MGAT5: variants seen among roughly 807,000 people sequenced by gnomAD.
MGAT5 encodes alpha-1,6-mannosylglycoprotein 6-beta-N-acetylglucosaminyltransferase A.
MGAT5 carries 30 observed loss-of-function variants against 94.3 expected under a neutral mutation model. The observed-to-expected ratio is 0.32, with a 90% CI of 0.24 to 0.43. The LOEUF is 0.43. Among genes scored for constraint, MGAT5 ranks in the 20% least tolerant of loss-of-function variants. The pLI is 1.00. For missense variants in MGAT5, 691 were observed against 905.5 expected (o/e 0.76, Z 3.04); for synonymous variants, 310 against 322.9 (o/e 0.96, Z 0.43).
At chr2:134,269,859 C>T (rs1683921003) in intron 1 of MGAT5, among the ~76,000 whole-genome samples, 3 of 152,180 alleles carry the variant, frequency 2.0e-5, no homozygotes, top group Admixed American at 6.5e-5. Context: ...TGATTATAGT[C>T]AACTCTGGGT....
chr2:134,269,900 A>G, intron 1 of MGAT5, among the ~76,000 whole-genome samples: 1 of 152,240 alleles, frequency 6.6e-6, no homozygotes, highest in East Asian at 1.9e-4. Flanking sequence ...CTGGAGCTGT[A>G]GCTTTTATGA....
intron 5 of MGAT5, 150 bp downstream of exon 5, chr2:134,336,438 A>T (rs1021281385): frequency 3.1e-6 from 2 of 649,060 alleles, no homozygotes; most frequent in Non-Finnish European, 2.6e-6. Flanking sequence ...AGTCTAAGTG[A>T]CTAAATCAGT....
At position 134,286,594 on chromosome 2, in the gene MGAT5, A is replaced by G. The variant is rs369082149; in HGVS notation, c.406+16044A>G. The stretch of plus-strand genomic sequence containing the variant: ...TTACAGGCACCCAGCTAATTTTTGT[A>G]TTTTTAGTAGAGACGGGGTTTTACC... On this transcript the variant is annotated intron_variant, in intron 2 of 15. Coordinates refer to ENST00000281923, the MANE Select transcript of MGAT5 (RefSeq NM_002410.5). Among the ~76,000 whole-genome samples, 22 of 151,880 alleles carry G rather than the reference A, an allele frequency of 1.4e-4. 2 individuals carry two copies. The South Asian group carries it at 4.6e-3, about 32-fold the overall frequency.
intron 10 of MGAT5, among the ~76,000 whole-genome samples, chr2:134,387,573 G>C (rs1682110750): frequency 6.6e-6 from 1 of 151,712 alleles, no homozygotes; most frequent in African/African-American, 2.4e-5. Context: ...ACAGAGCTGA[G>C]CACACAGGAG....
upstream of MGAT5, among the ~76,000 whole-genome samples, chr2:134,249,163 C>T (rs1682446667): frequency 1.3e-5 from 2 of 152,038 alleles, no homozygotes; most frequent in African/African-American, 4.8e-5. Flanking sequence ...TCTGCCTGCT[C>T]TAAGCCAAAC....
At chr2:134,180,530 CTG>C (rs1362060834) in intron 1 of MGAT5, among the ~76,000 whole-genome samples, 1 of 152,128 alleles carries the variant, frequency 6.6e-6, no homozygotes, top group Non-Finnish European at 1.5e-5. Context: ...GAAATAAAAA[CTG>C]AGGTCTTGGA....
At chr2:134,388,986 C>G (rs1682224404) in intron 10 of MGAT5, among the ~76,000 whole-genome samples, 1 of 152,134 alleles carries the variant, frequency 6.6e-6, no homozygotes, top group Admixed American at 6.5e-5. Context: ...GTCTCAAACT[C>G]TTGATCTCCA....
At chr2:134,399,823 C>T (rs1682933995) in intron 10 of MGAT5, among the ~76,000 whole-genome samples, 1 of 150,364 alleles carries the variant, frequency 6.7e-6, no homozygotes, top group Non-Finnish European at 1.5e-5. Flanking sequence ...GCCTGGATGA[C>T]CAAAGTAAGG....
At chr2:134,334,181 T>C (rs1199010691) in intron 4 of MGAT5, among the ~76,000 whole-genome samples, 2 of 152,142 alleles carry the variant, frequency 1.3e-5, no homozygotes, top group African/African-American at 4.8e-5. Flanking sequence ...AGAACTAAGA[T>C]AAATGATCAG....
intron 1 of MGAT5, among the ~76,000 whole-genome samples, chr2:134,200,966 G>A (rs1679758269): frequency 6.6e-6 from 1 of 151,392 alleles, no homozygotes; most frequent in African/African-American, 2.4e-5. Context: ...TCTCCTGATT[G>A]CTATGTGACA....
In MGAT5 at chr2:134,179,180, T is replaced by C. The variant is rs575359977; in HGVS notation, c.-143+58889T>C. On this transcript the variant is annotated intron_variant, in intron 1 of 16. Transcript: ENST00000409645. ...ACCGTGTTTATCCTTTTTTTGTGCC[T>C]TTTTTTAAAAAAGTGATTTTACTGC... Among the ~76,000 whole-genome samples the C allele has an allele frequency of 6.6e-5, 10 of 152,254 alleles. No homozygotes were observed. In the East Asian group the frequency reaches 1.9e-3, roughly 29 times the overall value.
chr2:134,172,378 CT>C (rs1553487709), intron 1 of MGAT5, among the ~76,000 whole-genome samples: 2,945 of 141,424 alleles, frequency 0.021, 108 homozygotes, highest in African/African-American at 0.068. Context: ...TAAGTACTCC[CT>C]TTTTTTTTTT....
intron 4 of MGAT5, among the ~76,000 whole-genome samples, chr2:134,330,084 G>A (rs930420094): frequency 3.3e-5 from 5 of 152,062 alleles, no homozygotes; most frequent in East Asian, 1.9e-4. Flanking sequence ...ATATATAAGC[G>A]TAATCAGTGT....
At chr2:134,119,950 G>A (rs1468992719), upstream of MGAT5, 5 of 152,084 alleles carry the variant, frequency 3.3e-5, no homozygotes, top group Non-Finnish European at 7.3e-5. Context: ...CGCGAGCCCA[G>A]AAGCGGGGAG....
intron 1 of MGAT5, among the ~76,000 whole-genome samples, chr2:134,158,342 C>T (rs1687576062): frequency 6.6e-6 from 1 of 152,228 alleles, no homozygotes; most frequent in African/African-American, 2.4e-5. Flanking sequence ...TAAGCGCCCC[C>T]TTGGCTTCCC....
rs891993277 is a variant in MGAT5 at position 134,232,068 on chromosome 2, A to G, written c.-142-22194A>G. Among the ~76,000 whole-genome samples, 6 of 138,800 alleles carry G rather than the reference A, an allele frequency of 4.3e-5. No homozygotes were observed. The East Asian group carries it at 1.3e-3, about 30-fold the overall frequency. 91.1% of individuals were successfully genotyped at this position (138,800 alleles called of 152,430 possible). ...CCTCAGCTGCCCAAGCTGGAAGCCT[A>G]GTGGTCATTCTATACTCCTCCTCCT... On this transcript the variant is annotated intron_variant, in intron 1 of 16. Coordinates refer to the MGAT5 transcript ENST00000409645.
intron 1 of MGAT5, among the ~76,000 whole-genome samples, chr2:134,128,502 T>C (rs770863545): frequency 6.6e-6 from 1 of 152,228 alleles, no homozygotes; most frequent in Non-Finnish European, 1.5e-5. Context: ...GCTTATTCTA[T>C]GATAGTGCCT....
intron 1 of MGAT5, among the ~76,000 whole-genome samples, chr2:134,214,037 A>G (rs1338984610): frequency 1.6e-4 from 24 of 152,156 alleles, no homozygotes. Flanking sequence ...TCCCGAAGCT[A>G]TTTAGGGACC....
At chr2:134,360,557 A>G (rs909282953) in intron 9 of MGAT5, among the ~76,000 whole-genome samples, 1 of 102,870 alleles carries the variant, frequency 9.7e-6, no homozygotes, top group Non-Finnish European at 2.7e-5. Context: ...AAAAAATTTA[A>G]AAACACCTGA....
Sources: gnomAD v4.1 joint callset for allele counts (sites outside exome capture counted in the v4.1 genomes callset) on GRCh38, gnomAD v4.1.1 for gene constraint, MANE v1.5 for transcripts, NCBI Gene and HGNC (gene_info 2026-07-23, HGNC 2026-07-21) for gene names.